RABGAP1L: variants seen among roughly 807,000 people sequenced by gnomAD.
RABGAP1L encodes RAB GTPase activating protein 1 like.
RABGAP1L carries 63 observed loss-of-function variants against 137.7 expected under a neutral mutation model. The observed-to-expected ratio is 0.46, with a 90% CI of 0.37 to 0.56. The LOEUF is 0.56. Ranked by LOEUF, RABGAP1L falls within the 20% of genes least tolerant of loss-of-function variation. The probability of loss-of-function intolerance (pLI) is 0.00; values close to 1 mark genes in which losing one functional copy is unlikely to be tolerated. For missense variants in RABGAP1L, 1,095 were observed against 1,244.0 expected (o/e 0.88, Z 1.80); for synonymous variants, 431 against 433.7 (o/e 0.99, Z 0.08).
chr1:174,231,665 G>A (rs754919961), intron 4 of RABGAP1L, among the ~76,000 whole-genome samples: 3 of 151,952 alleles, frequency 2.0e-5, no homozygotes, highest in African/African-American at 4.8e-5. Context: ...GCTTCTGGGA[G>A]GGAGGCCTCA....
At chr1:174,430,771 A>G (rs990177238) in intron 13 of RABGAP1L, among the ~76,000 whole-genome samples, 1 of 152,230 alleles carries the variant, frequency 6.6e-6, no homozygotes, top group African/African-American at 2.4e-5. Context: ...ATGATGAAAG[A>G]TATAAGTGAT....
intron 18 of RABGAP1L, among the ~76,000 whole-genome samples, chr1:174,808,137 C>G (rs958168498): frequency 1.2e-4 from 18 of 151,930 alleles, no homozygotes; most frequent in African/African-American, 4.4e-4. Context: ...GCACCCATCA[C>G]CATGCCCGGC....
intron 20 of RABGAP1L, among the ~76,000 whole-genome samples, chr1:174,966,059 C>A (rs539255789): frequency 6.6e-6 from 1 of 152,162 alleles, no homozygotes; most frequent in African/African-American, 2.4e-5. Flanking sequence ...GAAGTAGCTA[C>A]CTGGTATGAT....
chr1:174,774,018 A>G (rs1290663387), intron 18 of RABGAP1L, among the ~76,000 whole-genome samples: 3 of 152,230 alleles, frequency 2.0e-5, no homozygotes, highest in African/African-American at 7.2e-5. Context: ...TGATAGTTTG[A>G]TAACTCACTG....
At chr1:174,811,316 T>C (rs1689850641) in intron 18 of RABGAP1L, among the ~76,000 whole-genome samples, 2 of 152,230 alleles carry the variant, frequency 1.3e-5, no homozygotes, top group African/African-American at 4.8e-5. Context: ...AGGTATGGGA[T>C]CAATTTCCTA....
At chr1:174,662,121 T>TTTGG (rs59243192) in intron 14 of RABGAP1L, among the ~76,000 whole-genome samples, 2 of 135,224 alleles carry the variant, frequency 1.5e-5, no homozygotes, top group Admixed American at 7.5e-5. Context: ...TTTTTTTTTT[T>TTTGG]GAGTTGGAGT....
At chr1:174,474,365 C>T (rs1002774256) in intron 13 of RABGAP1L, among the ~76,000 whole-genome samples, 5 of 152,130 alleles carry the variant, frequency 3.3e-5, no homozygotes, top group African/African-American at 9.7e-5. Flanking sequence ...TTTGGTTAAC[C>T]AAAGAGAATT....
At chr1:174,203,699 C>T (rs1028290039) in intron 1 of RABGAP1L, among the ~76,000 whole-genome samples, 3 of 152,048 alleles carry the variant, frequency 2.0e-5, no homozygotes, top group Non-Finnish European at 4.4e-5. Context: ...GGCAGTTTGG[C>T]CATTTCAATG....
At chr1:174,551,003 T>TATATATATATATATAC (rs1666486101) in intron 13 of RABGAP1L, among the ~76,000 whole-genome samples, 2 of 114,412 alleles carry the variant, frequency 1.7e-5, no homozygotes, top group African/African-American at 3.9e-5. Flanking sequence ...TATACACATA[T>TATATATATATATATAC]ATATATATAT....
chr1:174,277,512 C>G (rs1056579766), intron 9 of RABGAP1L, among the ~76,000 whole-genome samples: 2 of 150,856 alleles, frequency 1.3e-5, no homozygotes, highest in African/African-American at 4.9e-5. Flanking sequence ...ATAATTTATT[C>G]TATTAAACTA....
At chr1:174,268,360 C>T (rs1219112085) in intron 7 of RABGAP1L, among the ~76,000 whole-genome samples, 1 of 151,950 alleles carries the variant, frequency 6.6e-6, no homozygotes. Flanking sequence ...CCACTACGCC[C>T]GGCTAATTTT....
At chr1:174,547,990 C>T (rs991448543) in intron 13 of RABGAP1L, 9 of 1,550,386 alleles carry the variant, frequency 5.8e-6, no homozygotes, top group Non-Finnish European at 7.8e-6. Flanking sequence ...TAGTTCCTTT[C>T]CTGAGCCTGA....
At chr1:174,628,001 A>G (rs1393227275) in intron 13 of RABGAP1L, among the ~76,000 whole-genome samples, 2 of 152,138 alleles carry the variant, frequency 1.3e-5, no homozygotes, top group African/African-American at 2.4e-5. Context: ...TTCTAAAGTA[A>G]TGATGGAAAT....
intron 6 of RABGAP1L, 58 bp from the exon 7 acceptor site, chr1:174,252,422 G>C (rs1391253656): frequency 1.3e-6 from 2 of 1,580,594 alleles, no homozygotes; most frequent in African/African-American, 1.4e-5. Flanking sequence ...CCTTGGAATA[G>C]GTTATTTTAT....
At chr1:174,442,291 A>C (rs1213604816) in intron 13 of RABGAP1L, among the ~76,000 whole-genome samples, 1 of 152,110 alleles carries the variant, frequency 6.6e-6, no homozygotes, top group Admixed American at 6.6e-5. Flanking sequence ...TATCTCTGAA[A>C]GTCAAAATAT....
At chr1:174,300,179 T>C (rs552393476) in intron 10 of RABGAP1L, among the ~76,000 whole-genome samples, 3 of 152,246 alleles carry the variant, frequency 2.0e-5, no homozygotes, top group African/African-American at 7.2e-5. Context: ...TGTCAAATAA[T>C]CCTGTTTACC....
At chr1:174,955,752 A>T (rs1246821934) in intron 19 of RABGAP1L, among the ~76,000 whole-genome samples, 2 of 152,148 alleles carry the variant, frequency 1.3e-5, no homozygotes, top group Non-Finnish European at 2.9e-5. Context: ...GTAATCTTAA[A>T]CCAAACAAAA....
chr1:174,755,041 C>T (rs893621167), intron 18 of RABGAP1L, among the ~76,000 whole-genome samples: 1 of 152,036 alleles, frequency 6.6e-6, no homozygotes, highest in African/African-American at 2.4e-5. Context: ...TCCCCCAGCC[C>T]CTAGTTGATA....
intron 17 of RABGAP1L, among the ~76,000 whole-genome samples, chr1:174,706,180 A>T (rs1680031553): frequency 6.6e-6 from 1 of 152,156 alleles, no homozygotes; most frequent in Non-Finnish European, 1.5e-5. Flanking sequence ...TAAGCCAATA[A>T]AGTTAATTTA....
Sources: gnomAD v4.1 joint callset for allele counts (sites outside exome capture counted in the v4.1 genomes callset) on GRCh38, gnomAD v4.1.1 for gene constraint, MANE v1.5 for transcripts, NCBI Gene and HGNC (gene_info 2026-07-23, HGNC 2026-07-21) for gene names.